Variants in ABCG2 observed in about 807,000 individuals in gnomAD.
ABCG2 encodes the protein broad substrate specificity ATP-binding cassette transporter ABCG2.
A neutral mutation model predicts 73.5 loss-of-function variants in ABCG2; 80 were observed. The ratio of observed to expected loss-of-function variants is 1.09; its 90% confidence interval spans 0.91 to 1.31. The LOEUF (loss-of-function observed/expected upper bound fraction) is 1.31. ABCG2 is among the 50% of genes most tolerant of loss of function. The pLI is 0.00. For synonymous variants in ABCG2, 269 were observed against 282.4 expected, an observed-to-expected ratio of 0.95 and a Z score of 0.48; for missense variants, 796 against 786.2, an observed-to-expected ratio of 1.01 and a Z score of -0.15.
chr4:88,167,370 C>CTTTTTT lies in ABCG2; in HGVS notation c.-19-27362_-19-27357dup, dbSNP rs551648302. Among the ~76,000 whole-genome samples, 2 of 101,464 alleles carry CTTTTTT rather than the reference C, an allele frequency of 2.0e-5. 1 individual carries two copies. The highest frequency in any genetic ancestry group is 7.9e-5 in the African/African-American group (2 of 25,206). 66.6% of individuals were successfully genotyped at this position (101,464 alleles called of 152,430 possible). Reference sequence around the variant, plus strand: ...CTTTGAACCCAACTGTCCCTTCTGCCTTTTTTTTTTTTTTTTTTTTTGAGA... The same window carrying CTTTTTT: ...CTTTGAACCCAACTGTCCCTTCTGCCTTTTTTTTTTTTTTTTTTTTTTTTTTTGAGA... On this transcript the variant is annotated intron_variant, in intron 1 of 15. Transcript: ENST00000515655.
chr4:88,096,348 T>C (rs1326900727), intron 13 of ABCG2, among the ~76,000 whole-genome samples: 2 of 152,214 alleles, frequency 1.3e-5, no homozygotes, highest in African/African-American at 4.8e-5. Context: ...ATATTCAGAC[T>C]TGACCTGACC....
intron 1 of ABCG2, among the ~76,000 whole-genome samples, chr4:88,184,870 T>A (rs1453253628): frequency 6.6e-6 from 1 of 152,066 alleles, no homozygotes; most frequent in Non-Finnish European, 1.5e-5. Flanking sequence ...TGGAACAGAA[T>A]AGAGAAACCA....
chr4:88,176,647 ATTTTTTTT>A (rs35728226), intron 1 of ABCG2, among the ~76,000 whole-genome samples: 31 of 90,164 alleles, frequency 3.4e-4, no homozygotes, highest in South Asian at 1.6e-3. Flanking sequence ...CACCTGGCTA[ATTTTTTTT>A]TTTTTTTTTT....
chr4:88,157,877 G>A (rs1221776403), intron 1 of ABCG2, among the ~76,000 whole-genome samples: 1 of 152,184 alleles, frequency 6.6e-6, no homozygotes, highest in Non-Finnish European at 1.5e-5. Context: ...GGGAGTAAGA[G>A]CACTCAACTA....
intron 13 of ABCG2, 95 bp from the exon 14 acceptor site, chr4:88,095,704 T>C: frequency 1.0e-6 from 1 of 983,860 alleles, no homozygotes; most frequent in South Asian, 1.4e-5. Flanking sequence ...ACTTTGTAAG[T>C]ATTTCTTTTA....
chr4:88,222,462 AG>A (rs1730048093), intron 1 of ABCG2, among the ~76,000 whole-genome samples: 1 of 152,056 alleles, frequency 6.6e-6, no homozygotes, highest in African/African-American at 2.4e-5. Flanking sequence ...ATGAGATTTG[AG>A]GGTTTAAAAA....
rs59434855 is a variant in ABCG2 at position 88,144,449 on chromosome 4, C to CTTTTTTTT, written c.-19-4443_-19-4436dup. The stretch of plus-strand genomic sequence containing the variant: ...CCTAACTAGCAAGGCCACATTTTTA[C>CTTTTTTTT]TTTTTTTTTTTTTTTTTTTTTTTGA... On this transcript the variant is annotated intron_variant, in intron 1 of 15. Transcript: ENST00000237612. Among the ~76,000 whole-genome samples, 69 of 77,590 alleles carry CTTTTTTTT rather than the reference C, an allele frequency of 8.9e-4. 1 individual carries two copies. The highest frequency in any genetic ancestry group is 0.013 in the Middle Eastern group (1 of 78). 50.9% of individuals were successfully genotyped at this position (77,590 alleles called of 152,430 possible). A position where few individuals can be genotyped will look rare whatever the true frequency, so the allele number is the denominator to read the frequency against.
chr4:88,104,946 C>T (rs1722676743), intron 10 of ABCG2, among the ~76,000 whole-genome samples: 1 of 152,294 alleles, frequency 6.6e-6, no homozygotes, highest in African/African-American at 2.4e-5. Context: ...GACCAGGTTA[C>T]TCCATGTCCT....
intron 9 of ABCG2, among the ~76,000 whole-genome samples, chr4:88,109,215 G>T (rs1290966467): frequency 6.6e-6 from 1 of 151,900 alleles, no homozygotes; most frequent in African/African-American, 2.4e-5. Context: ...GGCCAGGCTG[G>T]TCTCGAACTC....
intron 1 of ABCG2, among the ~76,000 whole-genome samples, chr4:88,226,231 C>T (rs1285143901): frequency 6.6e-6 from 1 of 152,226 alleles, no homozygotes; most frequent in Non-Finnish European, 1.5e-5. Context: ...ATTCTGATTG[C>T]ACTTCCCAGC....
intron 1 of ABCG2, among the ~76,000 whole-genome samples, chr4:88,143,592 C>A (rs1185287699): frequency 6.6e-6 from 1 of 152,086 alleles, no homozygotes; most frequent in African/African-American, 2.4e-5. Context: ...CTTAGAAGTG[C>A]CTGCAGAGAA....
chr4:88,184,372 T>C (rs1560743142), intron 1 of ABCG2, among the ~76,000 whole-genome samples: 1 of 151,964 alleles, frequency 6.6e-6, no homozygotes, highest in Non-Finnish European at 1.5e-5. Flanking sequence ...GGATACAAAA[T>C]CAACATACAA....
chr4:88,094,332 C>T (rs1322890207), intron 15 of ABCG2, among the ~76,000 whole-genome samples: 1 of 152,100 alleles, frequency 6.6e-6, no homozygotes, highest in Admixed American at 6.5e-5. Context: ...AGGCCCAAAA[C>T]AATAAGAAAC....
chr4:88,210,184 T>TACAC lies in ABCG2; in HGVS notation c.-20+20806_-20+20809dup, dbSNP rs36209812. On this transcript the variant is annotated intron_variant, in intron 1 of 15. Coordinates refer to the ABCG2 transcript ENST00000515655. ...AAGATGTCAGTAATGTAAGTAATCC[T>TACAC]ACACACACACACACACACACACACA... 1.4e-3 allele frequency among the ~76,000 whole-genome samples: 216 copies of TACAC among 149,590 alleles called. 3 individuals carry two copies. The South Asian group carries it at 0.021, about 15-fold the overall frequency.
At chr4:88,199,296 C>T (rs1007330365) in intron 1 of ABCG2, among the ~76,000 whole-genome samples, 2 of 152,078 alleles carry the variant, frequency 1.3e-5, no homozygotes, top group Admixed American at 1.3e-4. Flanking sequence ...CAATTATGAA[C>T]TGACAGTTTC....
At chr4:88,228,962 A>G (rs1273842857) in intron 1 of ABCG2, among the ~76,000 whole-genome samples, 5 of 152,278 alleles carry the variant, frequency 3.3e-5, no homozygotes, top group African/African-American at 1.2e-4. Flanking sequence ...AAATGGACCA[A>G]TCAGCACTCT....
chr4:88,188,415 G>T (rs1355220589), intron 1 of ABCG2, among the ~76,000 whole-genome samples: 1 of 151,502 alleles, frequency 6.6e-6, no homozygotes, highest in Non-Finnish European at 1.5e-5. Context: ...TAGAGATGAG[G>T]TCTCACTGTG....
At chr4:88,121,164 A>G (rs983380011) in intron 6 of ABCG2, among the ~76,000 whole-genome samples, 2 of 152,204 alleles carry the variant, frequency 1.3e-5, no homozygotes. Context: ...GATTCCTCAT[A>G]AGCAAAATGG....
chr4:88,093,284 T>TCCTGC, intron 15 of ABCG2, among the ~76,000 whole-genome samples: 2 of 152,076 alleles, frequency 1.3e-5, no homozygotes, highest in Non-Finnish European at 2.9e-5. Flanking sequence ...GGCAGGTGGA[T>TCCTGC]CACGAGGTCA....
Sources: gnomAD v4.1 joint callset for allele counts (sites outside exome capture counted in the v4.1 genomes callset) on GRCh38, gnomAD v4.1.1 for gene constraint, MANE v1.5 for transcripts, NCBI Gene and HGNC (gene_info 2026-07-23, HGNC 2026-07-21) for gene names.